Variants in KCNK13 observed in about 807,000 individuals in gnomAD.
The protein encoded by KCNK13 is potassium channel subfamily K member 13.
A neutral mutation model predicts 23.4 loss-of-function variants in KCNK13; 12 were observed. That is an observed-to-expected ratio of 0.51 (90% CI 0.33 to 0.83). KCNK13 has a LOEUF of 0.83. Among genes scored for constraint, KCNK13 ranks in the 40% least tolerant of loss-of-function variants. KCNK13 has a pLI of 0.02. For synonymous variants in KCNK13, 231 were observed against 229.5 expected, an observed-to-expected ratio of 1.01 and a Z score of -0.06; for missense variants, 463 against 556.3, an observed-to-expected ratio of 0.83 and a Z score of 1.69.
chr14:90,182,151 A>G (rs1281785140), intron 1 of KCNK13, among the ~76,000 whole-genome samples: 4 of 152,196 alleles, frequency 2.6e-5, no homozygotes, highest in East Asian at 1.9e-4. Context: ...CTCAAAAGCT[A>G]TACTTGGTAT....
intron 1 of KCNK13, among the ~76,000 whole-genome samples, chr14:90,109,389 G>T (rs1244331445): frequency 1.3e-5 from 2 of 150,610 alleles, no homozygotes; most frequent in South Asian, 4.2e-4. Context: ...TGTACAGGAT[G>T]CAGGACTTCC....
At chr14:90,126,442 TGTGAC>T (rs1292461928) in intron 1 of KCNK13, among the ~76,000 whole-genome samples, 5,079 of 90,110 alleles carry the variant, frequency 0.056, 247 homozygotes, top group African/African-American at 0.16. Context: ...TGTGACGTGA[TGTGAC>T]GTGACGTGAC....
chr14:90,147,434 A>ATCT (rs145223385), intron 1 of KCNK13, among the ~76,000 whole-genome samples: 2,945 of 16,538 alleles, frequency 0.18, 46 homozygotes, highest in Middle Eastern at 0.4. Flanking sequence ...TTGGGATAGG[A>ATCT]TCTTCTTTCT....
In KCNK13 at chr14:90,062,657, T is replaced by A; in HGVS notation, c.334+118T>A. 1.4e-6 allele frequency: 1 copy of A among 719,240 alleles called. No individual in the cohort carries two copies. Among genetic ancestry groups the A allele is most frequent in the Non-Finnish European group, 2.2e-6 (1 of 458,116 alleles). The allele number at this position is 719,240 out of a possible 1,614,324, so 44.6% of individuals were successfully genotyped here. A position where few individuals can be genotyped will look rare whatever the true frequency, so the allele number is the denominator to read the frequency against. ...ATCTGGGCGCCCAGCCAGACTCCAC[T>A]GACATGAGCTGTCGCCTGATCAACA... is the stretch of plus-strand genomic sequence containing the variant. On this transcript the variant is annotated intron_variant, in intron 1 of 1. Transcript: ENST00000282146. The surrounding 1 kb of genome is among the most constrained non-coding windows in gnomAD (Gnocchi z 4.5).
At chr14:90,102,400 T>C (rs1443022506) in intron 1 of KCNK13, among the ~76,000 whole-genome samples, 1 of 152,144 alleles carries the variant, frequency 6.6e-6, no homozygotes, top group Non-Finnish European at 1.5e-5. Context: ...AATTGAAGCT[T>C]AGAAGAATCA....
At chr14:90,065,448 G>T (rs6575101) in intron 1 of KCNK13, among the ~76,000 whole-genome samples, 3 of 151,956 alleles carry the variant, frequency 2.0e-5, no homozygotes, top group Non-Finnish European at 4.4e-5. Context: ...TAAGCAGTTT[G>T]TTGGGAGGAG....
chr14:90,125,627 GCGCACA>G (rs923851167), intron 1 of KCNK13, among the ~76,000 whole-genome samples: 1 of 8,904 alleles, frequency 1.1e-4, no homozygotes, highest in Non-Finnish European at 2.4e-4. Context: ...ACACACACAC[GCGCACA>G]CACACACAAT....
Position 90,062,957 on chromosome 14 carries a change from A to T in KCNK13, c.334+418A>T, listed in dbSNP as rs1324696459. On this transcript the variant is annotated intron_variant, in intron 1 of 1. Transcript: ENST00000282146. The surrounding 1 kb of genome is among the most constrained non-coding windows in gnomAD (Gnocchi z 4.5). ...CAGGAAACTAAACATTTACTGAGTC[A>T]GTCAGAGGGGAAGTGCAGATTTTAA... 6.6e-6 allele frequency among the ~76,000 whole-genome samples: 1 copy of T among 152,212 alleles called. No homozygotes were observed. The highest frequency in any genetic ancestry group is 1.9e-4 in the East Asian group (1 of 5,194).
chr14:90,080,551 A>C (rs990313929), intron 1 of KCNK13, among the ~76,000 whole-genome samples: 3 of 152,200 alleles, frequency 2.0e-5, no homozygotes, highest in Admixed American at 6.5e-5. Context: ...TCAAAAAAAA[A>C]TGTTTTATTG....
intron 1 of KCNK13, among the ~76,000 whole-genome samples, chr14:90,115,745 G>A (rs1889669627): frequency 6.6e-6 from 1 of 152,210 alleles, no homozygotes; most frequent in Admixed American, 6.5e-5. Context: ...TGTGGGCCAT[G>A]GTTTGTCCAC....
intron 1 of KCNK13, among the ~76,000 whole-genome samples, chr14:90,077,620 C>T (rs572630386): frequency 8.5e-5 from 13 of 152,320 alleles, no homozygotes; most frequent in African/African-American, 3.1e-4. Flanking sequence ...ATTCTTTTCT[C>T]CATTGTCTGA....
At chr14:90,160,785 A>G (rs2151751) in intron 1 of KCNK13, among the ~76,000 whole-genome samples, 149,682 of 150,576 alleles carry the variant, frequency 0.99, 74,400 homozygotes, top group Middle Eastern at 1. Context: ...GGAGGTTGCA[A>G]TGAGCCAAGA....
intron 1 of KCNK13, among the ~76,000 whole-genome samples, chr14:90,066,451 G>C (rs1489024017): frequency 2.0e-5 from 3 of 151,936 alleles, no homozygotes; most frequent in African/African-American, 7.3e-5. Context: ...ATTTTTAGTA[G>C]AGAGAGGGCT....
intron 1 of KCNK13, among the ~76,000 whole-genome samples, 172 bp from the exon 2 acceptor site, chr14:90,183,939 C>T (rs574287708): frequency 9.2e-5 from 14 of 152,310 alleles, no homozygotes; most frequent in African/African-American, 3.4e-4. Context: ...CTGAACAACA[C>T]TTAGTGTCTT....
At chr14:90,107,585 T>G in intron 1 of KCNK13, 1 of 500,814 alleles carries the variant, frequency 2.0e-6, no homozygotes, top group African/African-American at 1.9e-5. Flanking sequence ...AAGAGTGTGT[T>G]TATTTGTAAA....
intron 1 of KCNK13, among the ~76,000 whole-genome samples, chr14:90,159,805 G>A (rs1890232445): frequency 6.6e-6 from 1 of 152,208 alleles, no homozygotes. Flanking sequence ...TTAGAATAAT[G>A]ACCCCACATT....
At chr14:90,108,485 G>A (rs996955549) in intron 1 of KCNK13, among the ~76,000 whole-genome samples, 3 of 152,062 alleles carry the variant, frequency 2.0e-5, no homozygotes, top group Non-Finnish European at 2.9e-5. Flanking sequence ...TCTTTCAAAC[G>A]ACTGCATCTC....
chr14:90,165,620 A>G (rs1238191316), intron 1 of KCNK13, among the ~76,000 whole-genome samples: 1 of 152,220 alleles, frequency 6.6e-6, no homozygotes, highest in Non-Finnish European at 1.5e-5. Flanking sequence ...AGGGAGGGCA[A>G]TTTAGTTCAA....
intron 1 of KCNK13, among the ~76,000 whole-genome samples, chr14:90,174,787 G>A (rs1057076703): frequency 2.0e-5 from 3 of 152,144 alleles, no homozygotes; most frequent in Non-Finnish European, 2.9e-5. Context: ...CTAGGAGGTT[G>A]AGGCTGCAGT....
Sources: allele counts gnomAD v4.1 joint callset (sites outside exome capture counted in the v4.1 genomes callset), GRCh38; gene constraint gnomAD v4.1.1; non-coding constraint Gnocchi (gnomAD v3.1); transcripts MANE v1.5; gene names NCBI Gene and HGNC (gene_info 2026-07-23, HGNC 2026-07-21).